DNER: variants seen among roughly 807,000 people sequenced by gnomAD.
The protein encoded by DNER is delta and Notch-like epidermal growth factor-related receptor.
A neutral mutation model predicts 78.2 loss-of-function variants in DNER; 33 were observed. The ratio of observed to expected loss-of-function variants is 0.42; its 90% CI spans 0.32 to 0.56. The LOEUF (loss-of-function observed/expected upper bound fraction) is 0.56. Among genes scored for constraint, DNER ranks in the 20% least tolerant of loss-of-function variants. DNER has a pLI of 0.11. For synonymous variants in DNER, 417 were observed against 384.8 expected, an observed-to-expected ratio of 1.08 and a Z score of -0.98; for missense variants, 918 against 975.3, an observed-to-expected ratio of 0.94 and a Z score of 0.78.
intron 1 of DNER, among the ~76,000 whole-genome samples, chr2:229,665,773 A>G (rs1434660151): frequency 6.6e-6 from 1 of 152,180 alleles, no homozygotes; most frequent in Non-Finnish European, 1.5e-5. Flanking sequence ...TTGCATAGGG[A>G]AGAAGGTGAG....
chr2:229,673,241 G>A (rs1379730030), intron 1 of DNER, among the ~76,000 whole-genome samples: 1 of 152,236 alleles, frequency 6.6e-6, no homozygotes, highest in Non-Finnish European at 1.5e-5. Flanking sequence ...AGAACTGACA[G>A]TGCCTGGCAA....
chr2:229,383,460 A>G (rs1297937686), intron 11 of DNER, among the ~76,000 whole-genome samples: 1 of 152,222 alleles, frequency 6.6e-6, no homozygotes, highest in Non-Finnish European at 1.5e-5. Context: ...TAAAAGACAC[A>G]CAGTGGCAAA....
Position 229,570,338 on chromosome 2 carries a change from A to C in DNER, c.847+15520T>G, listed in dbSNP as rs76603900. On this transcript the variant is annotated intron_variant, in intron 4 of 12. Transcript: ENST00000341772. Reference sequence around the variant, plus strand: ...AGGTAATAAATAGGTGTTATAGTCTATATTAGAAAGTGGGCCAGGTGTGGT... The same window carrying C: ...AGGTAATAAATAGGTGTTATAGTCTCTATTAGAAAGTGGGCCAGGTGTGGT... Among the ~76,000 whole-genome samples the C allele has an allele frequency of 6.4e-3, 979 of 152,304 alleles. 13 individuals carry two copies. Among genetic ancestry groups the C allele is most frequent in the African/African-American group, 0.023 (944 of 41,570 alleles).
intron 1 of DNER, among the ~76,000 whole-genome samples, chr2:229,694,838 G>A (rs1286855621): frequency 1.3e-5 from 2 of 152,206 alleles, no homozygotes; most frequent in Admixed American, 1.3e-4. Flanking sequence ...GCTGGAATTA[G>A]TTAAGATTTT....
intron 7 of DNER, among the ~76,000 whole-genome samples, chr2:229,457,321 G>C (rs959181183): frequency 2.0e-5 from 3 of 151,916 alleles, no homozygotes; most frequent in Non-Finnish European, 2.9e-5. Context: ...AAAGAACATT[G>C]AATTATGATG....
At chr2:229,528,587 A>T (rs1696247919) in intron 5 of DNER, among the ~76,000 whole-genome samples, 1 of 152,184 alleles carries the variant, frequency 6.6e-6, no homozygotes. Flanking sequence ...TCTACCCGCA[A>T]GTCTGCTGGC....
At chr2:229,587,105 T>C (rs1228688350) in intron 3 of DNER, 1 of 538,266 alleles carries the variant, frequency 1.9e-6, no homozygotes, top group African/African-American at 2.1e-5. Context: ...TTTAACGAGA[T>C]AGAAGACCAG....
intron 1 of DNER, among the ~76,000 whole-genome samples, chr2:229,613,784 T>G (rs1346542994): frequency 6.6e-6 from 1 of 152,192 alleles, no homozygotes; most frequent in Non-Finnish European, 1.5e-5. Flanking sequence ...TGGGTGAATC[T>G]TAGCATACAT....
chr2:229,402,407 T>G (rs1006397132), intron 10 of DNER, among the ~76,000 whole-genome samples: 3 of 152,236 alleles, frequency 2.0e-5, no homozygotes, highest in Non-Finnish European at 4.4e-5. Flanking sequence ...TCAAAGAAAT[T>G]CAATGAAAAT....
intron 1 of DNER, among the ~76,000 whole-genome samples, chr2:229,704,602 G>T (rs1200051812): frequency 6.6e-5 from 1 of 15,058 alleles, no homozygotes; most frequent in Non-Finnish European, 6.0e-4. Context: ...CATGTATGAC[G>T]TTCTAGAAAA....
At chr2:229,630,400 C>T (rs369860624) in intron 1 of DNER, among the ~76,000 whole-genome samples, 13 of 151,518 alleles carry the variant, frequency 8.6e-5, no homozygotes, top group African/African-American at 2.2e-4. Context: ...TGCTTGAACC[C>T]GGAAGGCAGA....
intron 7 of DNER, among the ~76,000 whole-genome samples, chr2:229,460,536 C>A (rs990403356): frequency 1.3e-5 from 2 of 151,916 alleles, no homozygotes; most frequent in African/African-American, 4.8e-5. Context: ...CATAAGGATG[C>A]ACAAGGCAAC....
intron 6 of DNER, among the ~76,000 whole-genome samples, chr2:229,501,242 T>C (rs1222185996): frequency 6.6e-6 from 1 of 151,886 alleles, no homozygotes; most frequent in Non-Finnish European, 1.5e-5. Flanking sequence ...ACCGTGACTA[T>C]AGTTAGTCAC....
intron 11 of DNER, among the ~76,000 whole-genome samples, chr2:229,374,502 A>G (rs1692556945): frequency 6.6e-6 from 1 of 152,214 alleles, no homozygotes; most frequent in African/African-American, 2.4e-5. Context: ...GTAAGAGCTG[A>G]TATTTATTGA....
intron 12 of DNER, among the ~76,000 whole-genome samples, chr2:229,359,390 C>G (rs902745161): frequency 1.3e-5 from 2 of 152,092 alleles, no homozygotes; most frequent in East Asian, 1.9e-4. Context: ...TCAAACCTGT[C>G]GTAAGGTGGC....
At chr2:229,552,728 T>C (rs1329399781) in intron 4 of DNER, among the ~76,000 whole-genome samples, 1 of 152,196 alleles carries the variant, frequency 6.6e-6, no homozygotes, top group Non-Finnish European at 1.5e-5. Flanking sequence ...TTACCCAGTC[T>C]TGGGTATGTC....
chr2:229,566,302 G>A (rs556097722), intron 4 of DNER, among the ~76,000 whole-genome samples: 2 of 152,292 alleles, frequency 1.3e-5, no homozygotes, highest in African/African-American at 4.8e-5. Flanking sequence ...CCAAGTTGAA[G>A]TGGTCAAGGT....
At chr2:229,687,570 T>C (rs1045423652) in intron 1 of DNER, among the ~76,000 whole-genome samples, 2 of 152,082 alleles carry the variant, frequency 1.3e-5, no homozygotes, top group African/African-American at 4.8e-5. Context: ...CTGGCCCAAA[T>C]TTCCAACTTC....
intron 6 of DNER, among the ~76,000 whole-genome samples, chr2:229,487,895 C>T (rs760405454): frequency 2.0e-5 from 3 of 152,250 alleles, no homozygotes; most frequent in African/African-American, 7.2e-5. Flanking sequence ...GCTAGCCTCA[C>T]TGATGTGCCG....
Sources: gnomAD v4.1 joint callset for allele counts (sites outside exome capture counted in the v4.1 genomes callset) on GRCh38, gnomAD v4.1.1 for gene constraint, MANE v1.5 for transcripts, NCBI Gene and HGNC (gene_info 2026-07-23, HGNC 2026-07-21) for gene names.